Variants in KIAA1217 observed in about 807,000 individuals in gnomAD.
KIAA1217 encodes the protein KIAA1217, also known as sickle tail protein homolog.
Under a neutral mutation model 163.9 loss-of-function variants are expected in KIAA1217, and 88 were observed. That is an observed-to-expected ratio of 0.54 (90% CI 0.45 to 0.64). The LOEUF is 0.64. Among genes scored for constraint, KIAA1217 ranks in the 30% least tolerant of loss-of-function variants. KIAA1217 has a pLI of 0.00. For synonymous variants in KIAA1217, 903 were observed against 923.1 expected (o/e 0.98, Z 0.39); for missense variants, 2,372 against 2,475.0 (o/e 0.96, Z 0.88).
intron 2 of KIAA1217, among the ~76,000 whole-genome samples, chr10:24,225,067 T>C (rs992241210): frequency 3.4e-4 from 51 of 152,160 alleles, no homozygotes; most frequent in African/African-American, 7.0e-4. Flanking sequence ...CATTGTGATC[T>C]GCCCGCCTTG....
chr10:23,709,341 T>G (rs1302725956), intron 1 of KIAA1217, among the ~76,000 whole-genome samples: 2 of 152,010 alleles, frequency 1.3e-5, no homozygotes, highest in East Asian at 3.9e-4. Flanking sequence ...CTGGGCAAGA[T>G]AGCAAGACCT....
intron 5 of KIAA1217, among the ~76,000 whole-genome samples, chr10:24,440,556 A>C (rs2060411643): frequency 6.6e-6 from 1 of 152,174 alleles, no homozygotes; most frequent in South Asian, 2.1e-4. Context: ...GTGAGGACTG[A>C]GAGTATCGAA....
intron 1 of KIAA1217, among the ~76,000 whole-genome samples, chr10:23,857,000 A>G (rs1357442890): frequency 1.3e-5 from 2 of 152,210 alleles, no homozygotes; most frequent in African/African-American, 2.4e-5. Context: ...TGGCTCGCAC[A>G]TGGTGCGCTG....
intron 2 of KIAA1217, among the ~76,000 whole-genome samples, chr10:24,012,003 A>T (rs533486881): frequency 6.6e-6 from 1 of 152,270 alleles, no homozygotes; most frequent in Admixed American, 6.6e-5. Flanking sequence ...CATTTGACCA[A>T]GGAAAAATAA....
intron 11 of KIAA1217, among the ~76,000 whole-genome samples, chr10:24,521,334 A>T (rs964113864): frequency 1.3e-5 from 2 of 150,146 alleles, no homozygotes; most frequent in Non-Finnish European, 3.0e-5. Flanking sequence ...CATCTCAAAA[A>T]AAGAAAAAAA....
intron 6 of KIAA1217, among the ~76,000 whole-genome samples, chr10:24,486,235 A>C (rs943158713): frequency 6.6e-6 from 1 of 152,120 alleles, no homozygotes; most frequent in Non-Finnish European, 1.5e-5. Context: ...CCCTGTTAAA[A>C]CATGAGACCT....
chr10:24,262,202 C>T (rs942461393), intron 2 of KIAA1217, among the ~76,000 whole-genome samples: 8 of 152,266 alleles, frequency 5.3e-5, no homozygotes, highest in Admixed American at 2.6e-4. Flanking sequence ...CACAGAGAAC[C>T]GCACAAGGAC....
At chr10:23,901,092 T>A (rs77400364) in intron 1 of KIAA1217, among the ~76,000 whole-genome samples, 1 of 152,128 alleles carries the variant, frequency 6.6e-6, no homozygotes, top group Non-Finnish European at 1.5e-5. Context: ...CTAACACTTC[T>A]GAATGCTTAC....
chr10:24,514,787 C>T (rs979842479), intron 10 of KIAA1217, among the ~76,000 whole-genome samples: 3 of 151,994 alleles, frequency 2.0e-5, no homozygotes, highest in South Asian at 2.1e-4. Context: ...GTCAGGAGTT[C>T]GAGACCAGCC....
chr10:24,390,872 A>G (rs978696488), intron 3 of KIAA1217, among the ~76,000 whole-genome samples: 1 of 152,176 alleles, frequency 6.6e-6, no homozygotes, highest in Admixed American at 6.5e-5. Context: ...TGCTGAAAAA[A>G]GGCAGCGTTG....
chr10:24,425,153 A>G (rs1213118961), intron 3 of KIAA1217, among the ~76,000 whole-genome samples: 1 of 152,180 alleles, frequency 6.6e-6, no homozygotes, highest in Non-Finnish European at 1.5e-5. Context: ...GATTTTTTAG[A>G]TGAAAGTTTT....
At chr10:24,191,953 C>T (rs1486087348) in intron 2 of KIAA1217, among the ~76,000 whole-genome samples, 7 of 152,254 alleles carry the variant, frequency 4.6e-5, no homozygotes, top group East Asian at 1.9e-4. Flanking sequence ...AGAGTTTTGC[C>T]GTGTTGGTCT....
At chr10:23,716,337 C>T (rs1466247227) in intron 1 of KIAA1217, among the ~76,000 whole-genome samples, 1 of 152,102 alleles carries the variant, frequency 6.6e-6, no homozygotes, top group East Asian at 1.9e-4. Context: ...GTTTCTTATG[C>T]ATACATTTTG....
intron 1 of KIAA1217, among the ~76,000 whole-genome samples, chr10:23,985,402 C>T (rs1404667290): frequency 1.3e-5 from 2 of 152,160 alleles, no homozygotes; most frequent in African/African-American, 4.8e-5. Flanking sequence ...CTCATTCTGC[C>T]AACCTTTTGC....
At chr10:24,201,908 C>T (rs1457866389) in intron 2 of KIAA1217, among the ~76,000 whole-genome samples, 1 of 124,320 alleles carries the variant, frequency 8.0e-6, no homozygotes, top group African/African-American at 2.9e-5. Flanking sequence ...TCTCGAGCGC[C>T]CCCAACCTCC....
chr10:23,778,988 T>C lies in KIAA1217; in HGVS notation c.-321+83754T>C, dbSNP rs754599400. Reference sequence around the variant, plus strand: ...TTATTCATTCTCCAGTTGATAAGCTTGGATCTCAGCTTTTTAACATTCTGA... The same window carrying C: ...TTATTCATTCTCCAGTTGATAAGCTCGGATCTCAGCTTTTTAACATTCTGA... On this transcript the variant is annotated intron_variant, in intron 1 of 18. Coordinates refer to the KIAA1217 transcript ENST00000376462. Among the ~76,000 whole-genome samples the C allele has an allele frequency of 2.4e-4, 36 of 152,206 alleles. 1 individual carries two copies. Among genetic ancestry groups the C allele is most frequent in the South Asian group, 6.2e-4 (3 of 4,828 alleles).
chr10:24,274,447 C>A (rs2077068570), intron 2 of KIAA1217, among the ~76,000 whole-genome samples: 1 of 151,952 alleles, frequency 6.6e-6, no homozygotes, highest in African/African-American at 2.4e-5. Flanking sequence ...CAAGTTCTCA[C>A]ATCTGCAAAA....
At chr10:23,748,812 T>C (rs1265047643) in intron 1 of KIAA1217, among the ~76,000 whole-genome samples, 1 of 152,144 alleles carries the variant, frequency 6.6e-6, no homozygotes, top group Non-Finnish European at 1.5e-5. Context: ...ACTACCTTCC[T>C]ACTTCTGTTC....
At chr10:23,866,155 A>G (rs1840172741) in intron 1 of KIAA1217, among the ~76,000 whole-genome samples, 1 of 152,094 alleles carries the variant, frequency 6.6e-6, no homozygotes, top group Admixed American at 6.6e-5. Context: ...CAAAAACACA[A>G]CCCTATAGGA....
Sources: allele counts gnomAD v4.1 joint callset (sites outside exome capture counted in the v4.1 genomes callset), GRCh38; gene constraint gnomAD v4.1.1; transcripts MANE v1.5; gene names NCBI Gene and HGNC (gene_info 2026-07-23, HGNC 2026-07-21).